The following DACH1 variants were observed in gnomAD, a reference collection of about 807,000 sequenced individuals.
DACH1 encodes the protein dachshund family transcription factor 1.
DACH1 carries 12 observed loss-of-function variants against 54.2 expected under a neutral mutation model. The ratio of observed to expected loss-of-function variants is 0.22; its 90% CI spans 0.14 to 0.36. The LOEUF is 0.36. Ranked by LOEUF, DACH1 falls within the 10% of genes least tolerant of loss-of-function variation. The pLI is 1.00. For missense variants in DACH1, 805 were observed against 929.8 expected (o/e 0.87, Z 1.75); for synonymous variants, 386 against 366.2 (o/e 1.05, Z -0.62).
chr13:71,699,489 G>A (rs1209935229), intron 1 of DACH1, among the ~76,000 whole-genome samples: 1 of 152,136 alleles, frequency 6.6e-6, no homozygotes, highest in African/African-American at 2.4e-5. Flanking sequence ...TATCTTCCCA[G>A]AAGGCATGGC....
rs140758229 is a variant in DACH1, at chr13:71,660,788, G to C, written c.964+21007C>G. Among the ~76,000 whole-genome samples, 40 of 151,764 alleles carry C rather than the reference G, an allele frequency of 2.6e-4. No homozygotes were observed. In the East Asian group the frequency reaches 6.1e-3, roughly 23 times the overall value. Reference sequence around the variant, plus strand: ...TATAGTTAACTCCTTCAGTTCTTTAGTCTGTGTAATTATTTAAAACAGAAA... The same window carrying C: ...TATAGTTAACTCCTTCAGTTCTTTACTCTGTGTAATTATTTAAAACAGAAA... On this transcript the variant is annotated intron_variant, in intron 2 of 10. Transcript: ENST00000613252.
intron 6 of DACH1, among the ~76,000 whole-genome samples, chr13:71,516,168 A>G (rs779253899): frequency 6.6e-6 from 1 of 151,734 alleles, no homozygotes; most frequent in Non-Finnish European, 1.5e-5. Context: ...GCTTTTTTCC[A>G]TGAGGGAATT....
intron 2 of DACH1, among the ~76,000 whole-genome samples, chr13:71,635,557 T>C (rs1286767033): frequency 6.6e-6 from 1 of 152,164 alleles, no homozygotes; most frequent in East Asian, 1.9e-4. Flanking sequence ...CTATACTAAA[T>C]AGAGAATATA....
At chr13:71,820,106 A>G (rs889865016) in intron 1 of DACH1, among the ~76,000 whole-genome samples, 3 of 20,622 alleles carry the variant, frequency 1.5e-4, no homozygotes, top group Admixed American at 1.2e-3. Flanking sequence ...GCCTCTACCG[A>G]AAAAAAAAAA....
chr13:71,716,359 T>A (rs1019654187), intron 1 of DACH1, among the ~76,000 whole-genome samples: 1 of 152,112 alleles, frequency 6.6e-6, no homozygotes, highest in Non-Finnish European at 1.5e-5. Flanking sequence ...ATTCACCAAA[T>A]TTCTTATCAT....
At position 71,615,246 on chromosome 13, in the gene DACH1, T is replaced by C. The variant is rs180734037; in HGVS notation, c.1126+15310A>G. The stretch of plus-strand genomic sequence containing the variant: ...AAGTGTCAAACTTCTTTTCAATTCA[T>C]AAGTGTAGAAATAATTTAAACCATT... On this transcript the variant is annotated intron_variant, in intron 3 of 10. Coordinates refer to ENST00000613252, the MANE Select transcript of DACH1 (RefSeq NM_080759.6). Among the ~76,000 whole-genome samples, 3 of 152,316 alleles carry C rather than the reference T, an allele frequency of 2.0e-5. No homozygotes were observed. In the East Asian group the frequency reaches 5.8e-4, roughly 29 times the overall value.
intron 1 of DACH1, among the ~76,000 whole-genome samples, chr13:71,771,192 G>A (rs1885836923): frequency 6.6e-6 from 1 of 150,938 alleles, no homozygotes; most frequent in East Asian, 1.9e-4. Flanking sequence ...TGAAATTTTA[G>A]GAAAGATCTT....
intron 1 of DACH1, among the ~76,000 whole-genome samples, chr13:71,840,272 A>G (rs1476738366): frequency 6.6e-6 from 1 of 152,134 alleles, no homozygotes; most frequent in Non-Finnish European, 1.5e-5. Flanking sequence ...TTTAAAACTG[A>G]TTATTAAAAT....
At chr13:71,811,136 T>A (rs1887693576) in intron 1 of DACH1, among the ~76,000 whole-genome samples, 2 of 152,144 alleles carry the variant, frequency 1.3e-5, no homozygotes, top group African/African-American at 4.8e-5. Flanking sequence ...AAGTAAAGGT[T>A]CTTATTAATT....
chr13:71,844,891 T>C (rs999621844), intron 1 of DACH1, among the ~76,000 whole-genome samples: 5 of 152,160 alleles, frequency 3.3e-5, no homozygotes, highest in African/African-American at 9.7e-5. Context: ...TTCTCATTCA[T>C]GTGGAAGCTT....
intron 1 of DACH1, among the ~76,000 whole-genome samples, chr13:71,715,877 A>G (rs1463725668): frequency 6.6e-6 from 1 of 152,096 alleles, no homozygotes; most frequent in Non-Finnish European, 1.5e-5. Flanking sequence ...TTAGCTTATC[A>G]ATTATTAAAA....
At chr13:71,697,421 G>A (rs1394405839) in intron 1 of DACH1, among the ~76,000 whole-genome samples, 2 of 152,110 alleles carry the variant, frequency 1.3e-5, no homozygotes, top group Non-Finnish European at 2.9e-5. Flanking sequence ...GAAGGCTTTT[G>A]AGTTAGTGCC....
At chr13:71,576,871 CCTT>C (rs1885563313) in intron 3 of DACH1, among the ~76,000 whole-genome samples, 1 of 152,118 alleles carries the variant, frequency 6.6e-6, no homozygotes, top group Admixed American at 6.6e-5. Context: ...TTCCTCTTCT[CCTT>C]CTTCTGGGTA....
chr13:71,697,522 T>G (rs988818035), intron 1 of DACH1, among the ~76,000 whole-genome samples: 1 of 152,204 alleles, frequency 6.6e-6, no homozygotes, highest in Non-Finnish European at 1.5e-5. Context: ...ATCCATAAAT[T>G]TTTCAACTTA....
intron 2 of DACH1, chr13:71,675,203 T>C: frequency 1.3e-6 from 2 of 1,573,408 alleles, no homozygotes; most frequent in Non-Finnish European, 8.7e-7. Flanking sequence ...CCTGGTACTG[T>C]GGCGCTCCGT....
chr13:71,745,645 T>G (rs923192648), intron 1 of DACH1, among the ~76,000 whole-genome samples: 3 of 152,132 alleles, frequency 2.0e-5, no homozygotes, highest in Admixed American at 2.0e-4. Context: ...AACAAGAACA[T>G]CATGTAACTG....
intron 1 of DACH1, among the ~76,000 whole-genome samples, chr13:71,753,692 C>A (rs1885019250): frequency 6.6e-6 from 1 of 152,176 alleles, no homozygotes; most frequent in Admixed American, 6.5e-5. Context: ...CACTTTAGAA[C>A]TTTCCACATT....
intron 3 of DACH1, among the ~76,000 whole-genome samples, chr13:71,594,540 C>A (rs1278432488): frequency 6.6e-6 from 1 of 152,116 alleles, no homozygotes; most frequent in Non-Finnish European, 1.5e-5. Flanking sequence ...AAAATCCCTA[C>A]ATTTTAAGCA....
At chr13:71,816,080 G>A (rs1269577231) in intron 1 of DACH1, among the ~76,000 whole-genome samples, 4 of 150,318 alleles carry the variant, frequency 2.7e-5, no homozygotes, top group Non-Finnish European at 5.9e-5. Flanking sequence ...GCGAGACTCC[G>A]TCTCCAAAAA....
Sources: gnomAD v4.1 joint callset for allele counts (sites outside exome capture counted in the v4.1 genomes callset) on GRCh38, gnomAD v4.1.1 for gene constraint, MANE v1.5 for transcripts, NCBI Gene and HGNC (gene_info 2026-07-23, HGNC 2026-07-21) for gene names.